Variants in RAVER1 observed in about 807,000 individuals in gnomAD.
RAVER1 encodes ribonucleoprotein PTB-binding 1.
RAVER1 carries 36 observed loss-of-function variants against 68.4 expected under a neutral mutation model. The ratio of observed to expected loss-of-function variants is 0.53; its 90% CI spans 0.40 to 0.70. The LOEUF is 0.70. RAVER1 is among the 30% of genes least tolerant of loss of function. The probability of loss-of-function intolerance (pLI) is 0.00; values close to 1 mark genes in which losing one functional copy is unlikely to be tolerated. For missense variants in RAVER1, 933 were observed against 1,019.8 expected, an observed-to-expected ratio of 0.91 and a Z score of 1.16; for synonymous variants, 469 against 472.7, an observed-to-expected ratio of 0.99 and a Z score of 0.10.
chr19:10,316,359 C>A lies in RAVER1; in HGVS notation c.*1095G>T, dbSNP rs1023844556. 1.8e-5 allele frequency: 20 copies of A among 1,111,096 alleles called. No individual in the cohort carries two copies. In the South Asian group the frequency reaches 4.5e-4, roughly 25 times the overall value. The allele number at this position is 1,111,096 out of a possible 1,614,324, so 68.8% of individuals were successfully genotyped here. The stretch of plus-strand genomic sequence containing the variant: ...AGCTGGTGGCCCAGTTGGCTGGGGG[C>A]AAGGCCCAGGGTCACCTCAGGTCGA... On this transcript the variant is annotated 3_prime_UTR_variant, in exon 13 of 13. Coordinates refer to ENST00000617231, the MANE Select transcript of RAVER1 (RefSeq NM_133452.3).
chr19:10,323,870 C>T lies in RAVER1; in HGVS notation c.757-304G>A, dbSNP rs943710903. On this transcript the variant is annotated intron_variant, in intron 3 of 12. Transcript: ENST00000617231. This position sits in a 1 kb window ranked among gnomAD's most constrained non-coding sequence, Gnocchi z 6.2. ...TCACCAACAAAGCCAAGGCCACGGG[C>T]GGATGCGGTGGCTCACACCTGTAAT... Among the ~76,000 whole-genome samples, 5 of 152,314 alleles carry T rather than the reference C, an allele frequency of 3.3e-5. No homozygotes were observed. Among genetic ancestry groups the T allele is most frequent in the East Asian group, 1.9e-4 (1 of 5,180 alleles).
intron 3 of RAVER1, among the ~76,000 whole-genome samples, chr19:10,326,968 C>T (rs2040480289): frequency 6.6e-6 from 1 of 151,770 alleles, no homozygotes; most frequent in Non-Finnish European, 1.5e-5. Context: ...CAGGGTTTCA[C>T]CATGTTGGCC....
At chr19:10,320,553 C>A in intron 9 of RAVER1, 102 bp downstream of exon 9, 1 of 1,073,380 alleles carries the variant, frequency 9.3e-7, no homozygotes. Flanking sequence ...ACGTTCCCTG[C>A]CGCCTCCCTA....
rs772154359 is a variant in RAVER1, at chr19:10,323,390, G to A, written c.933C>T (p.Ile311=). Residue 311 remains isoleucine (I), a synonymous_variant, in exon 4 of 13, where the codon ATC becomes ATT. Transcript: ENST00000617231. This position sits in a 1 kb window ranked among gnomAD's most constrained non-coding sequence, Gnocchi z 6.2. ...ACAGGCTCACCGTGGCCTGGGCAGC[G>A]ATGAGAGCGGCCAGCATACTGCGGC... ...PPGRSMLAAL[I]AAQATALNRG... 1.3e-5 allele frequency: 21 copies of A among 1,604,818 alleles called. No individual in the cohort carries two copies. The highest frequency in any genetic ancestry group is 1.1e-4 in the East Asian group (5 of 44,566).
chr19:10,317,435 T>A lies in RAVER1; in HGVS notation c.*19A>T. 6.2e-7 allele frequency: 1 copy of A among 1,613,420 alleles called. No homozygotes were observed. The highest frequency in any genetic ancestry group is 8.5e-7 in the Non-Finnish European group (1 of 1,179,388). ...AGCGATTTGGTGCAGGCCCTTGAGT[T>A]ATCTCTGGTGCCAGCCACTTAGAAA... On this transcript the variant is annotated 3_prime_UTR_variant, in exon 13 of 13. Transcript: ENST00000617231. This position sits in a 1 kb window ranked among gnomAD's most constrained non-coding sequence, Gnocchi z 4.3.
At position 10,330,515 on chromosome 19, in the gene RAVER1, G is replaced by A. The variant is rs1470512989; in HGVS notation, c.231C>T (p.Asp77=). The A allele has an allele frequency of 6.7e-7, 1 of 1,497,472 alleles. No individual in the cohort carries two copies. Among genetic ancestry groups the A allele is most frequent in the Non-Finnish European group, 9.2e-7 (1 of 1,090,474 alleles). The allele number at this position is 1,497,472 out of a possible 1,614,324, so 92.8% of individuals were successfully genotyped here. A position where few individuals can be genotyped will look rare whatever the true frequency, so the allele number is the denominator to read the frequency against. The change falls in exon 2 of 13, where the codon GAC becomes GAT. Residue 77 remains aspartate, a synonymous_variant. Transcript: ENST00000617231. ...PGDVTNQEVH[D]LLSDYELKYC... ...ATTTGAGCTCATAGTCACTGAGCAG[G>A]TCATGTACTTCCTGTGGAGATACAA...
chr19:10,319,220 G>A lies in RAVER1; in HGVS notation c.1791C>T (p.Leu597=). Residue 597 remains leucine, a synonymous_variant, in exon 10 of 13, where the codon CTC becomes CTT. Coordinates refer to ENST00000617231, the MANE Select transcript of RAVER1 (RefSeq NM_133452.3). ...GGGCTGGTTCCCGTGGGTGGGAGAA[G>A]AGCCGCCGAGGTCCCATGTCCTGAA... ...DYPSDMGPRR[L]FSHPREPALG... The A allele has an allele frequency of 3.7e-6, 6 of 1,613,770 alleles. No individual in the cohort carries two copies. Among genetic ancestry groups the A allele is most frequent in the Non-Finnish European group, 5.1e-6 (6 of 1,179,730 alleles).
In RAVER1 at chr19:10,319,214, G is replaced by A. The variant is rs1393384086; in HGVS notation, c.1797C>T (p.Ser599=). Residue 599 remains serine (S), a synonymous_variant, in exon 10 of 13, where the codon TCC becomes TCT. Coordinates refer to ENST00000617231, the MANE Select transcript of RAVER1 (RefSeq NM_133452.3). The stretch of plus-strand genomic sequence containing the variant: ...GCCCAAGGGCTGGTTCCCGTGGGTG[G>A]GAGAAGAGCCGCCGAGGTCCCATGT... ...PSDMGPRRLF[S]HPREPALGPH... 3 of 1,613,714 alleles carry A rather than the reference G, an allele frequency of 1.9e-6. No individual in the cohort carries two copies. The highest frequency in any genetic ancestry group is 3.3e-5 in the Admixed American group (2 of 59,994).
Position 10,322,346 on chromosome 19 carries a change from GC to G in RAVER1, c.1173+298del, listed in dbSNP as rs1414008194. ...CTGGTGCCCAGCAGCGGCGCTCCCA[GC>G]CCACACCCAGTTTCAGGCTGTAAAT... On this transcript the variant is annotated intron_variant, in intron 6 of 12. Transcript: ENST00000617231. The surrounding 1 kb of genome is among the most constrained non-coding windows in gnomAD (Gnocchi z 4.3). 2 of 408,798 alleles carry G rather than the reference GC, an allele frequency of 4.9e-6. No homozygotes were observed. The highest frequency in any genetic ancestry group is 8.7e-6 in the Non-Finnish European group (2 of 230,296). The allele number at this position is 408,798 out of a possible 1,614,324, so 25.3% of individuals were successfully genotyped here.
chr19:10,325,958 A>G (rs951532280), intron 3 of RAVER1, among the ~76,000 whole-genome samples: 1 of 152,116 alleles, frequency 6.6e-6, no homozygotes, highest in Admixed American at 6.6e-5. Context: ...TGATCTCCAC[A>G]TAAGAAGGTA....
chr19:10,322,749 G>C lies in RAVER1; in HGVS notation c.1079-10C>G. The C allele has an allele frequency of 6.9e-7, 1 of 1,450,064 alleles. No homozygotes were observed. 89.8% of individuals were successfully genotyped at this position (1,450,064 alleles called of 1,614,324 possible). A position where few individuals can be genotyped will look rare whatever the true frequency, so the allele number is the denominator to read the frequency against. ...GGGGCACCCAGGAGGCCTGGAGGGA[G>C]ACATAGGAGGATGTGTGGGGGTCCC... is the stretch of plus-strand genomic sequence containing the variant. On this transcript the variant is annotated splice_polypyrimidine_tract_variant and intron_variant, in intron 5 of 12. Transcript: ENST00000617231. This position sits in a 1 kb window ranked among gnomAD's most constrained non-coding sequence, Gnocchi z 4.3.
intron 1 of RAVER1, among the ~76,000 whole-genome samples, chr19:10,331,367 AAAAAAAAAAAAAAAAAT>A (rs1225305660): frequency 1.6e-5 from 2 of 126,918 alleles, no homozygotes; most frequent in Admixed American, 1.7e-4. Flanking sequence ...AAAAAAAAAA[AAAAAAAAAAAAAAAAAT>A]AACAACAACA....
chr19:10,321,330 A>G (rs2040436476), intron 7 of RAVER1, 71 bp from the exon 8 acceptor site: 9 of 868,708 alleles, frequency 1.0e-5, no homozygotes, highest in Middle Eastern at 4.0e-4. Context: ...TCCAGCTCCC[A>G]CCTGGACCAG....
chr19:10,324,098 G>A (rs1267693140), intron 3 of RAVER1, among the ~76,000 whole-genome samples: 2 of 151,744 alleles, frequency 1.3e-5, no homozygotes, highest in East Asian at 1.9e-4. Context: ...AGGTTGCGGT[G>A]GGCCGAGATC....
intron 10 of RAVER1, 151 bp downstream of exon 10, chr19:10,319,015 A>C: frequency 1.5e-6 from 1 of 677,866 alleles, no homozygotes; most frequent in Non-Finnish European, 2.5e-6. Flanking sequence ...ACTGCACTCC[A>C]GCCTGGGCAA....
At chr19:10,326,331 G>A (rs1238350089) in intron 3 of RAVER1, among the ~76,000 whole-genome samples, 1 of 152,268 alleles carries the variant, frequency 6.6e-6, no homozygotes, top group Non-Finnish European at 1.5e-5. Context: ...CCGCACAGGC[G>A]GCCTGGTACA....
intron 2 of RAVER1, 76 bp downstream of exon 2, chr19:10,330,384 G>T: frequency 1.4e-6 from 1 of 737,658 alleles, no homozygotes; most frequent in Non-Finnish European, 2.4e-6. Flanking sequence ...GCTCAGAGCA[G>T]CAGACAGTGA....
At chr19:10,330,598 C>A in intron 1 of RAVER1, 72 bp from the exon 2 acceptor site, 1 of 710,412 alleles carries the variant, frequency 1.4e-6, no homozygotes, top group African/African-American at 1.8e-5. Flanking sequence ...CGCTTCATAG[C>A]TGCCACCAGC....
In RAVER1 at chr19:10,322,850, CG is replaced by C. The variant is rs2040448326; in HGVS notation, c.1079-112del. 7 of 603,388 alleles carry C rather than the reference CG, an allele frequency of 1.2e-5. No individual in the cohort carries two copies. Among genetic ancestry groups the C allele is most frequent in the South Asian group, 7.5e-5 (3 of 39,910 alleles). The allele number at this position is 603,388 out of a possible 1,614,324, so 37.4% of individuals were successfully genotyped here. On this transcript the variant is annotated intron_variant, in intron 5 of 12. Transcript: ENST00000617231. This position sits in a 1 kb window ranked among gnomAD's most constrained non-coding sequence, Gnocchi z 4.3. Reference sequence around the variant, plus strand: ...GGGCAGGAAACTGACACTCTGGGGCCGGGGGGTGGGCAGTGGACTTGCCCAA... The same window carrying C: ...GGGCAGGAAACTGACACTCTGGGGCCGGGGGTGGGCAGTGGACTTGCCCAA...
Sources: gnomAD v4.1 joint callset for allele counts (sites outside exome capture counted in the v4.1 genomes callset) on GRCh38, gnomAD v4.1.1 for gene constraint, Gnocchi (gnomAD v3.1) non-coding constraint, MANE v1.5 for transcripts, NCBI Gene and HGNC (gene_info 2026-07-23, HGNC 2026-07-21) for gene names.